Variants in KCNK13 observed in about 807,000 individuals in gnomAD.
KCNK13 encodes potassium channel subfamily K member 13.
Under a neutral mutation model 23.4 loss-of-function variants are expected in KCNK13, and 12 were observed. That is an observed-to-expected ratio of 0.51 (90% CI 0.33 to 0.83). The LOEUF is 0.83. Ranked by LOEUF, KCNK13 falls within the 40% of genes least tolerant of loss-of-function variation. The probability of loss-of-function intolerance (pLI) is 0.02; values close to 1 mark genes in which losing one functional copy is unlikely to be tolerated. For synonymous variants in KCNK13, 231 were observed against 229.5 expected (o/e 1.01, Z -0.06); for missense variants, 463 against 556.3 (o/e 0.83, Z 1.69).
intron 1 of KCNK13, among the ~76,000 whole-genome samples, chr14:90,112,400 C>T (rs1392493185): frequency 1.3e-5 from 2 of 152,114 alleles, no homozygotes; most frequent in South Asian, 2.1e-4. Flanking sequence ...TGATTCATGC[C>T]GGCCAGTAGA....
intron 1 of KCNK13, among the ~76,000 whole-genome samples, chr14:90,123,684 T>G (rs1889764664): frequency 6.6e-6 from 1 of 152,086 alleles, no homozygotes; most frequent in African/African-American, 2.4e-5. Flanking sequence ...CAGACTGGAG[T>G]GCAGTGGCAT....
intron 1 of KCNK13, among the ~76,000 whole-genome samples, chr14:90,172,419 C>T (rs1480359027): frequency 6.6e-6 from 1 of 151,950 alleles, no homozygotes; most frequent in Admixed American, 6.6e-5. Context: ...TCCTCGAGGG[C>T]GAGGTGACCG....
At chr14:90,176,902 C>G (rs1370734810) in intron 1 of KCNK13, among the ~76,000 whole-genome samples, 1 of 152,172 alleles carries the variant, frequency 6.6e-6, no homozygotes, top group Non-Finnish European at 1.5e-5. Flanking sequence ...CGCCTGTAGT[C>G]CCAGCTACTC....
intron 1 of KCNK13, among the ~76,000 whole-genome samples, chr14:90,122,986 T>G (rs1333610913): frequency 6.6e-6 from 1 of 152,180 alleles, no homozygotes; most frequent in Non-Finnish European, 1.5e-5. Flanking sequence ...GCTTGTTAAC[T>G]TAGCCGAGAT....
intron 1 of KCNK13, among the ~76,000 whole-genome samples, chr14:90,137,424 G>T (rs1165500656): frequency 6.6e-6 from 1 of 151,958 alleles, no homozygotes; most frequent in East Asian, 1.9e-4. Context: ...AGGTTCAAGC[G>T]ATTCTCCCAC....
chr14:90,114,595 A>T (rs977284253), intron 1 of KCNK13, among the ~76,000 whole-genome samples: 2 of 152,078 alleles, frequency 1.3e-5, no homozygotes, highest in African/African-American at 4.8e-5. Context: ...AGGACCACGG[A>T]GGTCACCTGC....
intron 1 of KCNK13, among the ~76,000 whole-genome samples, chr14:90,121,413 G>A (rs72699119): frequency 0.23 from 34,290 of 152,020 alleles, 4,751 homozygotes; most frequent in East Asian, 0.37. Flanking sequence ...TTCTGGGGAG[G>A]GATGTTGTTA....
At chr14:90,175,625 A>G (rs1265667468) in intron 1 of KCNK13, among the ~76,000 whole-genome samples, 2 of 152,246 alleles carry the variant, frequency 1.3e-5, no homozygotes, top group African/African-American at 4.8e-5. Flanking sequence ...AGAGGGAAAC[A>G]GGTGCCTGTT....
intron 1 of KCNK13, among the ~76,000 whole-genome samples, chr14:90,173,823 G>A (rs531037090): frequency 5.9e-5 from 9 of 152,316 alleles, no homozygotes; most frequent in East Asian, 3.9e-4. Flanking sequence ...GTATTAGTCC[G>A]TTTTCACACT....
At chr14:90,134,171 G>A (rs961560702) in intron 1 of KCNK13, among the ~76,000 whole-genome samples, 1 of 149,654 alleles carries the variant, frequency 6.7e-6, no homozygotes, top group Non-Finnish European at 1.5e-5. Context: ...TGAGCTGTGC[G>A]TGCCTCTGCA....
intron 1 of KCNK13, among the ~76,000 whole-genome samples, chr14:90,091,609 T>A (rs1000884407): frequency 3.2e-4 from 49 of 152,146 alleles, no homozygotes; most frequent in African/African-American, 1.2e-3. Context: ...AAACCTGGAA[T>A]GCAGAACACT....
intron 1 of KCNK13, among the ~76,000 whole-genome samples, chr14:90,134,377 T>G (rs1889910706): frequency 6.6e-6 from 1 of 152,224 alleles, no homozygotes; most frequent in African/African-American, 2.4e-5. Flanking sequence ...ACTTCTCAAC[T>G]TTTCTTATTG....
intron 1 of KCNK13, among the ~76,000 whole-genome samples, chr14:90,127,881 C>T (rs1255837396): frequency 1.4e-5 from 2 of 145,762 alleles, no homozygotes; most frequent in East Asian, 2.0e-4. Context: ...TAACAGAGTA[C>T]ATTCTGTGAC....
chr14:90,140,713 G>T (rs1048570829), intron 1 of KCNK13, among the ~76,000 whole-genome samples: 4 of 152,298 alleles, frequency 2.6e-5, no homozygotes, highest in East Asian at 1.9e-4. Context: ...TAAGGATTTG[G>T]ATGGGAACTG....
intron 1 of KCNK13, among the ~76,000 whole-genome samples, chr14:90,166,936 C>G (rs1004368996): frequency 1.3e-5 from 2 of 152,050 alleles, no homozygotes; most frequent in Non-Finnish European, 1.5e-5. Context: ...CCTCATTTTA[C>G]CAAAGGGACA....
intron 1 of KCNK13, among the ~76,000 whole-genome samples, chr14:90,121,046 T>C (rs28624602): frequency 0.29 from 44,336 of 151,956 alleles, 6,654 homozygotes; most frequent in Admixed American, 0.37. Context: ...AGAAATTGAC[T>C]GACTGGAGGA....
At chr14:90,180,555 T>C (rs1420961444) in intron 1 of KCNK13, among the ~76,000 whole-genome samples, 1 of 152,166 alleles carries the variant, frequency 6.6e-6, no homozygotes, top group African/African-American at 2.4e-5. Flanking sequence ...TTTTTGCTGA[T>C]AGGAGAGATG....
chr14:90,083,941 C>A (rs1429275757), intron 1 of KCNK13, among the ~76,000 whole-genome samples: 1 of 152,076 alleles, frequency 6.6e-6, no homozygotes, highest in African/African-American at 2.4e-5. Flanking sequence ...TAGTCTTAGC[C>A]CCATTTAATT....
intron 1 of KCNK13, among the ~76,000 whole-genome samples, chr14:90,173,525 G>A (rs866300750): frequency 3.3e-5 from 5 of 152,274 alleles, no homozygotes; most frequent in African/African-American, 4.8e-5. Context: ...TCACCAAAAT[G>A]TTATCGAACT....
Sources: allele counts gnomAD v4.1 joint callset (sites outside exome capture counted in the v4.1 genomes callset), GRCh38; gene constraint gnomAD v4.1.1; transcripts MANE v1.5; gene names NCBI Gene and HGNC (gene_info 2026-07-23, HGNC 2026-07-21).